Variants in CDC42BPA observed in about 807,000 individuals in gnomAD.
CDC42BPA encodes the protein serine/threonine-protein kinase MRCK alpha.
CDC42BPA carries 80 observed loss-of-function variants against 223.5 expected under a neutral mutation model. That is an observed-to-expected ratio of 0.36 (90% confidence interval 0.30 to 0.43). The LOEUF (loss-of-function observed/expected upper bound fraction) is 0.43, where lower values mean the gene tolerates loss of function less well. Among genes scored for constraint, CDC42BPA ranks in the 20% least tolerant of loss-of-function variants. The pLI is 1.00. For missense variants in CDC42BPA, 1,743 were observed against 2,099.9 expected, an observed-to-expected ratio of 0.83 and a Z score of 3.32; for synonymous variants, 694 against 718.6, an observed-to-expected ratio of 0.97 and a Z score of 0.55.
intron 1 of CDC42BPA, among the ~76,000 whole-genome samples, chr1:227,273,535 C>CA (rs71937451): frequency 0.3 from 39,253 of 132,004 alleles, 5,511 homozygotes; most frequent in East Asian, 0.5. Flanking sequence ...AACTCTGTCT[C>CA]AAAAAAAAAA....
At chr1:227,178,161 TC>T (rs1360066922) in intron 5 of CDC42BPA, among the ~76,000 whole-genome samples, 1 of 152,206 alleles carries the variant, frequency 6.6e-6, no homozygotes, top group Non-Finnish European at 1.5e-5. Flanking sequence ...TAGCTCTGTG[TC>T]CCCACCAAAA....
chr1:227,081,064 C>T lies in CDC42BPA; in HGVS notation c.2356-47G>A, dbSNP rs1194607738. On this transcript the variant is annotated intron_variant, in intron 16 of 36. Transcript: ENST00000366766. Reference sequence around the variant, plus strand: ...TGCATGACTTTTAGGACCAAGAATTCGAGGTGTTCAGACAGGTATTGTCAA... The same window carrying T: ...TGCATGACTTTTAGGACCAAGAATTTGAGGTGTTCAGACAGGTATTGTCAA... 3.1e-6 allele frequency: 5 copies of T among 1,601,810 alleles called. No homozygotes were observed. In the African/African-American group the frequency reaches 5.4e-5, roughly 17 times the overall value.
intron 1 of CDC42BPA, among the ~76,000 whole-genome samples, chr1:227,257,836 C>G (rs1010269693): frequency 1.3e-5 from 2 of 150,392 alleles, no homozygotes; most frequent in Non-Finnish European, 2.9e-5. Context: ...AAAAATTACA[C>G]ACAAGTTTGA....
In CDC42BPA at chr1:227,082,541, C is replaced by T. The variant is rs139771085; in HGVS notation, c.2356-1524G>A. ...CATCCTAGGTAACACAGTGAAACCC[C>T]GTCTCTACTAAAAATAAAAAAAAAT... is the stretch of plus-strand genomic sequence containing the variant. On this transcript the variant is annotated intron_variant, in intron 16 of 36. Coordinates refer to ENST00000366766, the MANE Select transcript of CDC42BPA (RefSeq NM_001394014.1). 2.2e-3 allele frequency among the ~76,000 whole-genome samples: 328 copies of T among 151,506 alleles called. 1 individual carries two copies. Among genetic ancestry groups the T allele is most frequent in the African/African-American group, 6.9e-3 (287 of 41,306 alleles).
chr1:227,044,482 T>C (rs966231442), intron 23 of CDC42BPA, among the ~76,000 whole-genome samples: 1 of 152,228 alleles, frequency 6.6e-6, no homozygotes, highest in South Asian at 2.1e-4. Flanking sequence ...AGTAAAATGG[T>C]ATTACAATGC....
chr1:227,053,535 T>C (rs777983964), intron 21 of CDC42BPA, among the ~76,000 whole-genome samples: 4 of 152,120 alleles, frequency 2.6e-5, no homozygotes, highest in Non-Finnish European at 5.9e-5. Flanking sequence ...TCTGTACATG[T>C]GATGTGGCTG....
At chr1:227,276,139 T>A (rs1376535758) in intron 1 of CDC42BPA, among the ~76,000 whole-genome samples, 4 of 129,520 alleles carry the variant, frequency 3.1e-5, no homozygotes, top group African/African-American at 1.2e-4. Context: ...CCGGCCGCCA[T>A]CACGTCTAGG....
At chr1:227,003,254 T>C (rs1663256565) in intron 35 of CDC42BPA, among the ~76,000 whole-genome samples, 1 of 152,226 alleles carries the variant, frequency 6.6e-6, no homozygotes, top group Non-Finnish European at 1.5e-5. Context: ...TGAAATTGGA[T>C]TTAGTGCAGT....
intron 34 of CDC42BPA, among the ~76,000 whole-genome samples, chr1:227,014,572 T>TG (rs1393696405): frequency 6.6e-6 from 1 of 151,794 alleles, no homozygotes; most frequent in Non-Finnish European, 1.5e-5. Context: ...TAAAAGGCGT[T>TG]TTTTTTAATT....
chr1:227,047,056 A>G (rs748874401), intron 23 of CDC42BPA, among the ~76,000 whole-genome samples: 62 of 152,002 alleles, frequency 4.1e-4, no homozygotes, highest in Non-Finnish European at 7.6e-4. Context: ...GGGTTGTCAT[A>G]TATCTTAACT....
Position 227,287,445 on chromosome 1 carries a change from AATG to A in CDC42BPA, c.178+29557_178+29559del, listed in dbSNP as rs1220826135. Among the ~76,000 whole-genome samples the A allele has an allele frequency of 3.3e-5, 5 of 152,218 alleles. No individual in the cohort carries two copies. In the South Asian group the frequency reaches 8.3e-4, roughly 25 times the overall value. On this transcript the variant is annotated intron_variant, in intron 1 of 36. Transcript: ENST00000366766. ...ACTATCCTTCTGGAAGTCCAGAAGG[AATG>A]ATAATAATTCAATTAATATTAATAA...
rs143943647 is a variant in CDC42BPA at position 227,157,139 on chromosome 1, CAGTT to C, written c.693+3400_693+3403del. On this transcript the variant is annotated intron_variant, in intron 6 of 36. Coordinates refer to ENST00000366766, the MANE Select transcript of CDC42BPA (RefSeq NM_001394014.1). ...CATATTACATTATTTTTGCTTTTAA[CAGTT>C]AGGTACCTTTTATGTAAATTAAATA... Among the ~76,000 whole-genome samples the C allele has an allele frequency of 2.5e-3, 387 of 152,234 alleles. 8 individuals are homozygous for C. In the East Asian group the frequency reaches 0.046, roughly 18 times the overall value.
intron 2 of CDC42BPA, among the ~76,000 whole-genome samples, chr1:227,246,881 A>G (rs1681064745): frequency 6.6e-6 from 1 of 152,188 alleles, no homozygotes. Context: ...ACAGAGACAC[A>G]TGACATTTCA....
At chr1:227,270,934 C>T (rs2148464708) in intron 1 of CDC42BPA, among the ~76,000 whole-genome samples, 1 of 152,264 alleles carries the variant, frequency 6.6e-6, no homozygotes, top group East Asian at 1.9e-4. Context: ...CTAAATAATA[C>T]TCCACTGTAT....
Position 227,026,082 on chromosome 1 carries a change from T to C in CDC42BPA, c.4503A>G (p.Glu1501=), listed in dbSNP as rs1383481606. ...AVDIFDVNSM[E]WIQTLPLKKV... ...TTTTGAGAGGAAGAGTCTGAATCCA[T>C]TCCATGGAGTTCACATCAAAGATAT... Residue 1501 remains glutamate (E), a synonymous_variant, in exon 31 of 37, where the codon GAA becomes GAG. Transcript: ENST00000366766. 1 of 1,600,742 alleles carries C rather than the reference T, an allele frequency of 6.2e-7. No individual in the cohort carries two copies. Among genetic ancestry groups the C allele is most frequent in the South Asian group, 1.1e-5 (1 of 90,464 alleles).
rs1254711370 is a variant in CDC42BPA, at chr1:227,187,517, G to C, written c.599+6269C>G. Among the ~76,000 whole-genome samples the C allele has an allele frequency of 4.1e-5, 6 of 146,040 alleles. No individual in the cohort carries two copies. The East Asian group carries it at 1.2e-3, about 29-fold the overall frequency. On this transcript the variant is annotated intron_variant, in intron 5 of 36. Coordinates refer to ENST00000366766, the MANE Select transcript of CDC42BPA (RefSeq NM_001394014.1). ...AAAAAAAACAGAACAGAATATCCAAGAACTGTGGGATTACTACAAAAGGTA... is the reference window on the plus strand; with the variant it reads ...AAAAAAAACAGAACAGAATATCCAACAACTGTGGGATTACTACAAAAGGTA...
At chr1:227,023,905 G>A (rs112662153) in intron 31 of CDC42BPA, among the ~76,000 whole-genome samples, 1 of 152,154 alleles carries the variant, frequency 6.6e-6, no homozygotes, top group Admixed American at 6.5e-5. Context: ...AAAATGTTTG[G>A]AGGAGAATAG....
Position 227,317,331 on chromosome 1 carries a change from C to T in CDC42BPA, c.-149G>A. ...GCAATGCTGGTGCTGAATTAAACAT[C>T]CAACACACCAGTAACCTCACTTAAC... is the stretch of plus-strand genomic sequence containing the variant. On this transcript the variant is annotated 5_prime_UTR_variant, in exon 1 of 37. Transcript: ENST00000366766. 2.8e-6 allele frequency: 2 copies of T among 725,974 alleles called. No homozygotes were observed. 45.0% of individuals were successfully genotyped at this position (725,974 alleles called of 1,614,324 possible).
In CDC42BPA at chr1:227,072,275, C is replaced by T. The variant is rs765867915; in HGVS notation, c.2760G>A (p.Lys920=). 1.9e-6 allele frequency: 3 copies of T among 1,602,114 alleles called. No homozygotes were observed. The highest frequency in any genetic ancestry group is 2.6e-6 in the Non-Finnish European group (3 of 1,170,064). The change falls in exon 20 of 37, where the codon AAG becomes AAA. Residue 920 remains lysine, a synonymous_variant. Transcript: ENST00000366766. ...CGATTTCTGAGAGTAGTTCCAAGTT[C>T]TTCTTCTCTGAATCTTTTAGTTTAC... The part of the protein sequence containing the change: ...TECKLKDSEK[K]NLELLSEIEQ...
Sources: gnomAD v4.1 joint callset for allele counts (sites outside exome capture counted in the v4.1 genomes callset) on GRCh38, gnomAD v4.1.1 for gene constraint, MANE v1.5 for transcripts, NCBI Gene and HGNC (gene_info 2026-07-23, HGNC 2026-07-21) for gene names.